XKR4: variants seen among roughly 807,000 people sequenced by gnomAD.
XKR4 encodes XK-related protein 4.
Under a neutral mutation model 53.9 loss-of-function variants are expected in XKR4, and 12 were observed. The ratio of observed to expected loss-of-function variants is 0.22; its 90% CI spans 0.14 to 0.36. The LOEUF (loss-of-function observed/expected upper bound fraction) is 0.36, where lower values mean the gene tolerates loss of function less well. XKR4 is among the 10% of genes least tolerant of loss of function. XKR4 has a pLI of 1.00. For synonymous variants in XKR4, 354 were observed against 362.4 expected (o/e 0.98, Z 0.26); for missense variants, 799 against 859.5 (o/e 0.93, Z 0.88).
chr8:55,435,034 C>T (rs1563349066), intron 2 of XKR4, among the ~76,000 whole-genome samples: 1 of 152,298 alleles, frequency 6.6e-6, no homozygotes, highest in African/African-American at 2.4e-5. Flanking sequence ...AAGAAATGTT[C>T]ATGCTTTTGG....
At chr8:55,174,913 C>T (rs538684581) in intron 1 of XKR4, among the ~76,000 whole-genome samples, 2 of 152,286 alleles carry the variant, frequency 1.3e-5, no homozygotes, top group South Asian at 2.1e-4. Flanking sequence ...TCAGGTTGCT[C>T]TCTAGGATCT....
chr8:55,413,991 C>A (rs1039398683), intron 2 of XKR4, among the ~76,000 whole-genome samples: 4 of 152,122 alleles, frequency 2.6e-5, no homozygotes, highest in Non-Finnish European at 5.9e-5. Flanking sequence ...AAACTGTATT[C>A]TTTTGATAAT....
In XKR4 at chr8:55,411,715, T is replaced by C. The variant is rs529655233; in HGVS notation, c.1006+53838T>C. Among the ~76,000 whole-genome samples the C allele has an allele frequency of 4.6e-5, 7 of 152,274 alleles. No individual in the cohort carries two copies. The South Asian group carries it at 1.5e-3, about 32-fold the overall frequency. On this transcript the variant is annotated intron_variant, in intron 2 of 2. Transcript: ENST00000327381. ...TGACAATCAGCGTCTGTCTTCCAGC[T>C]GAGTGCAGTGGAATTCGCGAGAGTG...
chr8:55,186,709 G>C (rs983530163), intron 1 of XKR4, among the ~76,000 whole-genome samples: 9 of 151,964 alleles, frequency 5.9e-5, no homozygotes, highest in African/African-American at 2.2e-4. Context: ...ATGAACCCCT[G>C]ACATAATCAA....
chr8:55,262,611 A>C (rs960068835), intron 1 of XKR4, among the ~76,000 whole-genome samples: 9 of 152,176 alleles, frequency 5.9e-5, no homozygotes, highest in African/African-American at 2.2e-4. Context: ...ACCGTCTGTA[A>C]ACCAGCAAGA....
At chr8:55,324,699 A>G (rs1803268360) in intron 1 of XKR4, among the ~76,000 whole-genome samples, 1 of 152,186 alleles carries the variant, frequency 6.6e-6, no homozygotes, top group Non-Finnish European at 1.5e-5. Flanking sequence ...CAGTGTTCCA[A>G]TTAAGGGATA....
chr8:55,476,804 C>A (rs1585595700), intron 2 of XKR4, among the ~76,000 whole-genome samples: 1 of 152,218 alleles, frequency 6.6e-6, no homozygotes, highest in East Asian at 1.9e-4. Flanking sequence ...GCTAGCACAG[C>A]AGTCTGAGAT....
At chr8:55,162,538 C>G (rs528398440) in intron 1 of XKR4, among the ~76,000 whole-genome samples, 1 of 152,268 alleles carries the variant, frequency 6.6e-6, no homozygotes, top group South Asian at 2.1e-4. Context: ...GACAATGTAT[C>G]TAAGTGCTTT....
intron 1 of XKR4, among the ~76,000 whole-genome samples, chr8:55,238,158 C>T (rs1032274945): frequency 6.6e-6 from 1 of 152,198 alleles, no homozygotes; most frequent in Non-Finnish European, 1.5e-5. Flanking sequence ...CTCTCTCTCT[C>T]TCTCATAACA....
intron 1 of XKR4, among the ~76,000 whole-genome samples, chr8:55,305,181 T>G (rs1313422505): frequency 6.6e-6 from 1 of 152,144 alleles, no homozygotes; most frequent in Non-Finnish European, 1.5e-5. Flanking sequence ...TAATGATCAT[T>G]AAAATTCAAT....
intron 2 of XKR4, among the ~76,000 whole-genome samples, chr8:55,470,623 T>C (rs572438591): frequency 2.8e-4 from 42 of 152,244 alleles, no homozygotes; most frequent in African/African-American, 8.4e-4. Flanking sequence ...ACACAAGATA[T>C]ATCAAAATCA....
intron 2 of XKR4, among the ~76,000 whole-genome samples, chr8:55,378,352 G>A (rs192788281): frequency 2.0e-4 from 30 of 152,250 alleles, no homozygotes; most frequent in African/African-American, 6.7e-4. Context: ...TGCAAGATTC[G>A]TCTGAATGCT....
At chr8:55,149,619 A>T (rs1458240212) in intron 1 of XKR4, among the ~76,000 whole-genome samples, 1 of 152,250 alleles carries the variant, frequency 6.6e-6, no homozygotes, top group Middle Eastern at 3.2e-3. Context: ...AATGGTTGTC[A>T]AATGGGAAGA....
intron 1 of XKR4, among the ~76,000 whole-genome samples, chr8:55,324,850 A>G (rs981250467): frequency 6.6e-6 from 1 of 152,050 alleles, no homozygotes; most frequent in Non-Finnish European, 1.5e-5. Context: ...CTTTACCACT[A>G]CCTCTCCCAA....
At chr8:55,355,960 G>C (rs1227452202) in intron 1 of XKR4, among the ~76,000 whole-genome samples, 1 of 152,102 alleles carries the variant, frequency 6.6e-6, no homozygotes, top group Admixed American at 6.5e-5. Flanking sequence ...TGAAACTTTT[G>C]GGTCTGTGTA....
intron 1 of XKR4, among the ~76,000 whole-genome samples, chr8:55,327,313 T>C (rs1009250133): frequency 1.3e-5 from 2 of 151,330 alleles, no homozygotes; most frequent in African/African-American, 4.9e-5. Flanking sequence ...AAAATGTTTA[T>C]AATATATGCT....
intron 2 of XKR4, among the ~76,000 whole-genome samples, chr8:55,466,764 G>T (rs1355060402): frequency 6.6e-6 from 1 of 152,100 alleles, no homozygotes; most frequent in Non-Finnish European, 1.5e-5. Context: ...AATCCACTAT[G>T]ATTGGAGTTT....
chr8:55,464,206 A>G (rs1288786053), intron 2 of XKR4, among the ~76,000 whole-genome samples: 2 of 152,208 alleles, frequency 1.3e-5, no homozygotes, highest in Non-Finnish European at 2.9e-5. Context: ...TCCTTGATGA[A>G]CATTGATGCA....
intron 1 of XKR4, among the ~76,000 whole-genome samples, chr8:55,206,574 A>G (rs1172226957): frequency 6.6e-6 from 1 of 152,206 alleles, no homozygotes; most frequent in Non-Finnish European, 1.5e-5. Context: ...GCTCTGAGCC[A>G]GAGATGAAAA....
Sources: allele counts gnomAD v4.1 joint callset (sites outside exome capture counted in the v4.1 genomes callset), GRCh38; gene constraint gnomAD v4.1.1; transcripts MANE v1.5; gene names NCBI Gene and HGNC (gene_info 2026-07-23, HGNC 2026-07-21).